Variants in CRPPA observed in about 807,000 individuals in gnomAD.
The protein encoded by CRPPA is CDP-L-ribitol pyrophosphorylase A.
Under a neutral mutation model 52.0 loss-of-function variants are expected in CRPPA, and 43 were observed. That is an observed-to-expected ratio of 0.83 (90% confidence interval 0.65 to 1.07). The LOEUF (loss-of-function observed/expected upper bound fraction) is 1.07, where lower values mean the gene tolerates loss of function less well. CRPPA is among the 50% of genes least tolerant of loss of function. The pLI is 0.00. For synonymous variants in CRPPA, 250 were observed against 203.5 expected (o/e 1.23, Z -1.94); for missense variants, 629 against 551.7 (o/e 1.14, Z -1.40).
At chr7:16,204,005 G>A (rs1781914592) in intron 9 of CRPPA, among the ~76,000 whole-genome samples, 2 of 152,056 alleles carry the variant, frequency 1.3e-5, no homozygotes, top group African/African-American at 2.4e-5. Context: ...TAAGGATACT[G>A]GTTAAAAATT....
At chr7:16,297,092 C>T (rs1231181893) in intron 5 of CRPPA, among the ~76,000 whole-genome samples, 1 of 152,130 alleles carries the variant, frequency 6.6e-6, no homozygotes, top group African/African-American at 2.4e-5. Flanking sequence ...ACAAAATGGA[C>T]ATATCCTAGA....
intron 1 of CRPPA, among the ~76,000 whole-genome samples, chr7:16,417,225 A>G (rs1788215802): frequency 6.6e-6 from 1 of 152,244 alleles, no homozygotes; most frequent in Non-Finnish European, 1.5e-5. Flanking sequence ...CACTGTGGAA[A>G]GAAGTTTGGA....
At chr7:16,349,584 A>G (rs1359240368) in intron 3 of CRPPA, among the ~76,000 whole-genome samples, 1 of 152,150 alleles carries the variant, frequency 6.6e-6, no homozygotes, top group African/African-American at 2.4e-5. Flanking sequence ...ATAAAGTACA[A>G]AAACAGGTCA....
At chr7:16,324,936 T>C (rs1319057529) in intron 3 of CRPPA, among the ~76,000 whole-genome samples, 2 of 152,242 alleles carry the variant, frequency 1.3e-5, no homozygotes, top group African/African-American at 2.4e-5. Flanking sequence ...AGGAAATGTC[T>C]AGATGACAAT....
intron 3 of CRPPA, among the ~76,000 whole-genome samples, chr7:16,325,862 C>T (rs569814209): frequency 2.6e-4 from 40 of 152,078 alleles, no homozygotes; most frequent in Admixed American, 6.5e-4. Flanking sequence ...CTAACATCAA[C>T]AGGAATGATA....
intron 2 of CRPPA, among the ~76,000 whole-genome samples, chr7:16,396,817 G>T (rs946519827): frequency 1.3e-5 from 2 of 152,242 alleles, no homozygotes; most frequent in Non-Finnish European, 2.9e-5. Context: ...TGTGTGGCAT[G>T]TGTGATGGAA....
chr7:16,406,615 CATT>C (rs1787960683), intron 1 of CRPPA, among the ~76,000 whole-genome samples: 1 of 152,158 alleles, frequency 6.6e-6, no homozygotes, highest in Admixed American at 6.5e-5. Flanking sequence ...TACCAGATGT[CATT>C]TTTTACTTAA....
rs552654568 is a variant in CRPPA, at chr7:16,101,720, C to T, written c.1252-9921G>A. ...ATGAGTTAACTCTCATTCACAATTG[C>T]TTCAAAGAGAATAGAATACAACTCA... On this transcript the variant is annotated intron_variant, in intron 9 of 9. Transcript: ENST00000407010. Among the ~76,000 whole-genome samples the T allele has an allele frequency of 2.0e-5, 3 of 152,142 alleles. No individual in the cohort carries two copies. In the East Asian group the frequency reaches 5.8e-4, roughly 29 times the overall value.
intron 3 of CRPPA, among the ~76,000 whole-genome samples, chr7:16,353,129 G>C (rs1261549749): frequency 6.6e-6 from 1 of 152,072 alleles, no homozygotes; most frequent in Non-Finnish European, 1.5e-5. Context: ...GCCAAGCAGA[G>C]AGAATTGCTT....
chr7:16,116,659 G>GAA (rs71525890), intron 9 of CRPPA, among the ~76,000 whole-genome samples: 2 of 78,046 alleles, frequency 2.6e-5, no homozygotes, highest in African/African-American at 1.2e-4. Context: ...AGACTCGGTC[G>GAA]AAAAAAAAAA....
chr7:16,150,514 T>C (rs1218470352), intron 9 of CRPPA, among the ~76,000 whole-genome samples: 2 of 152,208 alleles, frequency 1.3e-5, no homozygotes, highest in African/African-American at 4.8e-5. Flanking sequence ...TTTTAATGAT[T>C]GTTTTCATCC....
intron 5 of CRPPA, among the ~76,000 whole-genome samples, chr7:16,293,051 G>A (rs1784593375): frequency 1.3e-5 from 2 of 151,912 alleles, no homozygotes; most frequent in African/African-American, 2.4e-5. Context: ...CAAGGAATAT[G>A]CATATGCCTG....
chr7:16,322,824 G>C (rs1385309016), intron 3 of CRPPA, among the ~76,000 whole-genome samples: 2 of 152,060 alleles, frequency 1.3e-5, no homozygotes, highest in African/African-American at 4.8e-5. Context: ...CCCGAGACTT[G>C]GGAATTTATA....
At chr7:16,182,820 C>T (rs890268760) in intron 9 of CRPPA, among the ~76,000 whole-genome samples, 5 of 152,104 alleles carry the variant, frequency 3.3e-5, no homozygotes, top group African/African-American at 1.2e-4. Flanking sequence ...ATTTCTTTTA[C>T]CTAACCTGTG....
chr7:16,162,760 T>C (rs1780933977), intron 9 of CRPPA, among the ~76,000 whole-genome samples: 1 of 152,076 alleles, frequency 6.6e-6, no homozygotes, highest in Non-Finnish European at 1.5e-5. Context: ...TTGATCTGTC[T>C]AATATTGACA....
chr7:16,316,793 G>A (rs1785154000), intron 3 of CRPPA, among the ~76,000 whole-genome samples: 1 of 152,044 alleles, frequency 6.6e-6, no homozygotes, highest in South Asian at 2.1e-4. Flanking sequence ...GGAGTTCGAG[G>A]CTGCAGTGAA....
At chr7:16,207,160 G>A (rs1391282892) in intron 9 of CRPPA, among the ~76,000 whole-genome samples, 2 of 152,212 alleles carry the variant, frequency 1.3e-5, no homozygotes, top group Admixed American at 6.5e-5. Context: ...GGGAAAGAAA[G>A]TAAGGGATTT....
chr7:16,286,075 A>T (rs1438979358), intron 5 of CRPPA, among the ~76,000 whole-genome samples: 1,396 of 40,140 alleles, frequency 0.035, 144 homozygotes, highest in Non-Finnish European at 0.054. Context: ...ATATATATAT[A>T]TATATAATAT....
chr7:16,226,808 T>C (rs894036694), intron 8 of CRPPA, among the ~76,000 whole-genome samples: 2 of 151,942 alleles, frequency 1.3e-5, no homozygotes. Flanking sequence ...TTATCAGTTT[T>C]GTGGTAATAT....
Sources: gnomAD v4.1 joint callset for allele counts (sites outside exome capture counted in the v4.1 genomes callset) on GRCh38, gnomAD v4.1.1 for gene constraint, MANE v1.5 for transcripts, NCBI Gene and HGNC (gene_info 2026-07-23, HGNC 2026-07-21) for gene names.